RAB38: variants seen among roughly 807,000 people sequenced by gnomAD.
RAB38 encodes ras-related protein Rab-38.
Under a neutral mutation model 18.4 loss-of-function variants are expected in RAB38, and 15 were observed. The observed-to-expected ratio is 0.82, with a 90% CI of 0.55 to 1.26. The LOEUF (loss-of-function observed/expected upper bound fraction) is 1.26. Among genes scored for constraint, RAB38 ranks in the 50% most tolerant of loss-of-function variants. The probability of loss-of-function intolerance (pLI) is 0.00; values close to 1 mark genes in which losing one functional copy is unlikely to be tolerated. For synonymous variants in RAB38, 101 were observed against 104.4 expected (o/e 0.97, Z 0.20); for missense variants, 294 against 267.4 (o/e 1.10, Z -0.69).
the RAB38 span, among the ~76,000 whole-genome samples, chr11:88,058,320 G>A: frequency 1.3e-5 from 2 of 152,046 alleles, no homozygotes; most frequent in Admixed American, 6.6e-5. Context: ...AGGAACAAAT[G>A]AACAGTATAA....
intron 2 of RAB38, chr11:88,115,853 C>G (rs1942543749): frequency 6.6e-6 from 1 of 152,116 alleles, no homozygotes; most frequent in African/African-American, 2.4e-5. Context: ...CTTATTTAAT[C>G]CCATTTAACA....
chr11:88,137,916 AATTATTTTAAACCG>A (rs1258666031), intron 2 of RAB38, among the ~76,000 whole-genome samples: 2 of 152,244 alleles, frequency 1.3e-5, no homozygotes, highest in African/African-American at 4.8e-5. Flanking sequence ...TAAAAGGGGA[AATTATTTTAAACCG>A]AGGAATCTAT....
the RAB38 span, among the ~76,000 whole-genome samples, chr11:88,003,821 AATAGATTGTATAATATATAT>A: frequency 0.023 from 88 of 3,818 alleles, 9 homozygotes; most frequent in African/African-American, 0.15. Context: ...TATAATATAT[AATAGATTGTATAATATATAT>A]TTATATATAT....
At chr11:88,086,134 T>C in the RAB38 span, among the ~76,000 whole-genome samples, 1 of 151,934 alleles carries the variant, frequency 6.6e-6, no homozygotes, top group Non-Finnish European at 1.5e-5. Flanking sequence ...AGTGACAATG[T>C]AGGCATTCCA....
chr11:87,856,707 C>CCTT, the RAB38 span, among the ~76,000 whole-genome samples: 1 of 151,876 alleles, frequency 6.6e-6, no homozygotes, highest in African/African-American at 2.4e-5. Context: ...TTCTCCTCCT[C>CCTT]CTTCTTCTTC....
At chr11:88,089,142 G>A in the RAB38 span, among the ~76,000 whole-genome samples, 3 of 151,880 alleles carry the variant, frequency 2.0e-5, no homozygotes, top group Non-Finnish European at 4.4e-5. Flanking sequence ...CTCATGTCAG[G>A]GGCAGATTGA....
At chr11:87,816,337 G>A in the RAB38 span, 1 of 152,400 alleles carries the variant, frequency 6.6e-6, no homozygotes, top group African/African-American at 2.4e-5. Flanking sequence ...TGTGGGTTGT[G>A]GTATTGTGTT....
At chr11:87,884,236 T>C in the RAB38 span, among the ~76,000 whole-genome samples, 1 of 151,956 alleles carries the variant, frequency 6.6e-6, no homozygotes, top group African/African-American at 2.4e-5. Flanking sequence ...ATGACATTAT[T>C]TGTGGTTGCT....
chr11:88,060,351 G>A, the RAB38 span: 8 of 152,196 alleles, frequency 5.3e-5, no homozygotes, highest in African/African-American at 1.4e-4. Context: ...AGACTTTAAA[G>A]AGTGCAAGGA....
chr11:87,806,304 A>T, the RAB38 span, among the ~76,000 whole-genome samples: 1 of 152,158 alleles, frequency 6.6e-6, no homozygotes, highest in Admixed American at 6.6e-5. Context: ...GCAATCCAAG[A>T]TCAGGGCACC....
chr11:87,825,954 TA>T, the RAB38 span, among the ~76,000 whole-genome samples: 3,301 of 152,104 alleles, frequency 0.022, 110 homozygotes, highest in African/African-American at 0.076. Context: ...GTTACAATAA[TA>T]AAAAATAAAT....
the RAB38 span, among the ~76,000 whole-genome samples, chr11:87,917,056 G>T: frequency 3.3e-5 from 5 of 152,094 alleles, no homozygotes; most frequent in Non-Finnish European, 5.9e-5. Context: ...GGAAGCAGGG[G>T]AGAGAGAGAG....
At chr11:87,810,554 G>A in the RAB38 span, among the ~76,000 whole-genome samples, 2 of 152,162 alleles carry the variant, frequency 1.3e-5, no homozygotes, top group Non-Finnish European at 2.9e-5. Context: ...AAATAAGGAA[G>A]AATATGTACC....
intron 2 of RAB38, among the ~76,000 whole-genome samples, chr11:88,130,379 G>A (rs1197372631): frequency 1.3e-5 from 2 of 152,154 alleles, no homozygotes; most frequent in African/African-American, 4.8e-5. Flanking sequence ...AAGCTAAAAT[G>A]AAGTCTAAGG....
the RAB38 span, among the ~76,000 whole-genome samples, chr11:87,977,862 C>A: frequency 3.6e-4 from 37 of 103,874 alleles, no homozygotes; most frequent in East Asian, 1.2e-3. Context: ...TAGTAATATA[C>A]TTACAAATAT....
At chr11:87,910,866 A>T in the RAB38 span, among the ~76,000 whole-genome samples, 1 of 151,822 alleles carries the variant, frequency 6.6e-6, no homozygotes, top group Non-Finnish European at 1.5e-5. Flanking sequence ...CGATCTCCTG[A>T]CCTTGTGATC....
downstream of RAB38, among the ~76,000 whole-genome samples, chr11:88,110,303 A>G (rs997590738): frequency 2.6e-5 from 4 of 152,072 alleles, no homozygotes; most frequent in Non-Finnish European, 5.9e-5. Context: ...GTTCTCACTC[A>G]TAAGTGGGAG....
the RAB38 span, among the ~76,000 whole-genome samples, chr11:87,841,998 C>T: frequency 7.7e-3 from 1,166 of 151,918 alleles, 22 homozygotes; most frequent in African/African-American, 0.026. Context: ...ATTTTTTCTT[C>T]TATTTTTCTT....
chr11:88,017,884 AG>A, the RAB38 span, among the ~76,000 whole-genome samples: 1 of 151,718 alleles, frequency 6.6e-6, no homozygotes, highest in East Asian at 1.9e-4. Context: ...ACCTGGTAGG[AG>A]GTAATTGAAA....
Sources: gnomAD v4.1 joint callset for allele counts (sites outside exome capture counted in the v4.1 genomes callset) on GRCh38, gnomAD v4.1.1 for gene constraint, MANE v1.5 for transcripts, NCBI Gene and HGNC (gene_info 2026-07-23, HGNC 2026-07-21) for gene names.